DDX10: variants seen among roughly 807,000 people sequenced by gnomAD.
DDX10 encodes the protein probable ATP-dependent RNA helicase DDX10.
A neutral mutation model predicts 104.3 loss-of-function variants in DDX10; 74 were observed. That is an observed-to-expected ratio of 0.71 (90% CI 0.59 to 0.86). The LOEUF is 0.86. Among genes scored for constraint, DDX10 ranks in the 40% least tolerant of loss-of-function variants. The probability of loss-of-function intolerance (pLI) is 0.00; values close to 1 mark genes in which losing one functional copy is unlikely to be tolerated. For missense variants in DDX10, 952 were observed against 1,040.0 expected (o/e 0.92, Z 1.16); for synonymous variants, 351 against 353.4 (o/e 0.99, Z 0.08).
chr11:108,911,541 G>A (rs1863677523), intron 16 of DDX10, among the ~76,000 whole-genome samples: 1 of 139,610 alleles, frequency 7.2e-6, no homozygotes, highest in Admixed American at 7.3e-5. Context: ...GTTCCCAAAA[G>A]CTTTGCCTCC....
intron 15 of DDX10, among the ~76,000 whole-genome samples, chr11:108,843,391 C>CTTTTTTTT (rs71050891): frequency 7.3e-6 from 1 of 137,742 alleles, no homozygotes; most frequent in African/African-American, 2.7e-5. Context: ...CTTGCACATC[C>CTTTTTTTT]TTTTTTTTTT....
At position 108,665,909 on chromosome 11, in the gene DDX10, C is replaced by T. The variant is rs2094209518; in HGVS notation, c.186+570C>T. On this transcript the variant is annotated intron_variant, in intron 1 of 17. Coordinates refer to ENST00000322536, the MANE Select transcript of DDX10 (RefSeq NM_004398.4). ...CTTCCTGTGGCCACCTCATTTTCTC[C>T]ACAGGCTTCATGTCCCCATCCAAGA... Among the ~76,000 whole-genome samples, 4 of 152,160 alleles carry T rather than the reference C, an allele frequency of 2.6e-5. No individual in the cohort carries two copies. The South Asian group carries it at 8.3e-4, about 32-fold the overall frequency.
chr11:108,896,987 A>G (rs186732236), intron 16 of DDX10, among the ~76,000 whole-genome samples: 35 of 151,990 alleles, frequency 2.3e-4, no homozygotes, highest in African/African-American at 8.4e-4. Context: ...ACTTTTGACC[A>G]TAGAGCTCTT....
chr11:108,901,833 TAAAA>T (rs758181804), intron 16 of DDX10, among the ~76,000 whole-genome samples: 71 of 152,198 alleles, frequency 4.7e-4, no homozygotes, highest in Non-Finnish European at 8.5e-4. Flanking sequence ...TCTAGGGTAT[TAAAA>T]AAAGTCATTA....
chr11:108,816,409 G>A (rs541866727), intron 13 of DDX10, among the ~76,000 whole-genome samples: 3 of 152,182 alleles, frequency 2.0e-5, no homozygotes, highest in Non-Finnish European at 1.5e-5. Context: ...CCAAGAACCC[G>A]TGAGTTTTCT....
intron 17 of DDX10, among the ~76,000 whole-genome samples, chr11:108,928,906 C>T (rs1184125172): frequency 6.6e-6 from 1 of 152,214 alleles, no homozygotes; most frequent in Non-Finnish European, 1.5e-5. Flanking sequence ...TGAAGTCATT[C>T]ATTAAGTCCC....
In DDX10 at chr11:108,670,184, C is replaced by G. The variant is rs1315090095; in HGVS notation, c.187-3283C>G. Among the ~76,000 whole-genome samples, 4 of 152,192 alleles carry G rather than the reference C, an allele frequency of 2.6e-5. 1 individual carries two copies. The highest frequency in any genetic ancestry group is 4.2e-4 in the South Asian group (2 of 4,812). ...CTGTAAAGGTTGGAGGGTAAGAGATCAGGTAGGAGACTGGAGACTATTGGT... is the reference window on the plus strand; with the variant it reads ...CTGTAAAGGTTGGAGGGTAAGAGATGAGGTAGGAGACTGGAGACTATTGGT... On this transcript the variant is annotated intron_variant, in intron 1 of 17. Coordinates refer to ENST00000322536, the MANE Select transcript of DDX10 (RefSeq NM_004398.4).
At chr11:108,903,122 T>C (rs1355402661) in intron 16 of DDX10, among the ~76,000 whole-genome samples, 2 of 152,122 alleles carry the variant, frequency 1.3e-5, no homozygotes, top group Non-Finnish European at 2.9e-5. Context: ...TGGCTTTTAA[T>C]ATTCATAATG....
intron 15 of DDX10, among the ~76,000 whole-genome samples, chr11:108,843,145 G>C (rs1862663674): frequency 6.6e-6 from 1 of 152,122 alleles, no homozygotes; most frequent in Non-Finnish European, 1.5e-5. Context: ...TGTAGTTCTG[G>C]CTACTTAAGA....
chr11:108,778,124 G>A (rs1021070622), intron 13 of DDX10, among the ~76,000 whole-genome samples: 2 of 152,140 alleles, frequency 1.3e-5, no homozygotes, highest in Non-Finnish European at 2.9e-5. Flanking sequence ...ACTGCCCAAG[G>A]TAATTTATAG....
chr11:108,901,417 C>T (rs1225724049), intron 16 of DDX10, among the ~76,000 whole-genome samples: 2 of 152,102 alleles, frequency 1.3e-5, no homozygotes, highest in East Asian at 3.9e-4. Context: ...GTTTAGCTTC[C>T]ATATGTGTAG....
intron 15 of DDX10, among the ~76,000 whole-genome samples, chr11:108,850,644 G>A (rs1862778478): frequency 6.6e-6 from 1 of 152,166 alleles, no homozygotes; most frequent in African/African-American, 2.4e-5. Context: ...GAAAAGACCT[G>A]TATGGTAGCA....
At chr11:108,762,858 G>A (rs866984132) in intron 13 of DDX10, among the ~76,000 whole-genome samples, 63 of 152,070 alleles carry the variant, frequency 4.1e-4, no homozygotes, top group African/African-American at 1.1e-3. Flanking sequence ...TTCCTTTCTC[G>A]GACAATAATA....
rs149634191 is a variant in DDX10, at chr11:108,865,756, A to G, written c.2304+13547A>G. 5.3e-4 allele frequency among the ~76,000 whole-genome samples: 81 copies of G among 152,232 alleles called. 1 individual carries two copies. In the East Asian group the frequency reaches 0.015, roughly 29 times the overall value. On this transcript the variant is annotated intron_variant, in intron 16 of 17. Coordinates refer to ENST00000322536, the MANE Select transcript of DDX10 (RefSeq NM_004398.4). ...AAGGATTCATTTGTTTACTCTACGC[A>G]TATTTCTTGAGTGCCCTACTATGTG...
At chr11:108,722,870 G>A (rs955350061) in intron 12 of DDX10, 127 bp from the exon 13 acceptor site, 1 of 1,383,396 alleles carries the variant, frequency 7.2e-7, no homozygotes, top group East Asian at 2.5e-5. Context: ...GTATTGAGTT[G>A]TATCTCACAG....
At chr11:108,848,617 A>G (rs1465750859) in intron 15 of DDX10, among the ~76,000 whole-genome samples, 6 of 152,114 alleles carry the variant, frequency 3.9e-5, no homozygotes, top group African/African-American at 1.4e-4. Context: ...AGCTTATAAC[A>G]TCTAGTGACA....
intron 13 of DDX10, among the ~76,000 whole-genome samples, chr11:108,741,069 C>A (rs1314833225): frequency 6.6e-6 from 1 of 152,072 alleles, no homozygotes; most frequent in Non-Finnish European, 1.5e-5. Context: ...GAATCCTTCC[C>A]CCATTGGTTG....
chr11:108,874,177 GAAA>G (rs889647260), intron 16 of DDX10, among the ~76,000 whole-genome samples: 1 of 151,910 alleles, frequency 6.6e-6, no homozygotes, highest in South Asian at 2.1e-4. Flanking sequence ...GGACTTACGG[GAAA>G]AAAAATACCG....
At chr11:108,775,699 C>T (rs185113319) in intron 13 of DDX10, among the ~76,000 whole-genome samples, 1 of 152,086 alleles carries the variant, frequency 6.6e-6, no homozygotes, top group Non-Finnish European at 1.5e-5. Context: ...GTTACTTTCT[C>T]AATATAAATC....
Sources: gnomAD v4.1 joint callset for allele counts (sites outside exome capture counted in the v4.1 genomes callset) on GRCh38, gnomAD v4.1.1 for gene constraint, MANE v1.5 for transcripts, NCBI Gene and HGNC (gene_info 2026-07-23, HGNC 2026-07-21) for gene names.